Variants in GPC6 observed in about 807,000 individuals in gnomAD.
The protein encoded by GPC6 is glypican-6.
GPC6 carries 14 observed loss-of-function variants against 55.2 expected under a neutral mutation model. The ratio of observed to expected loss-of-function variants is 0.25; its 90% confidence interval spans 0.17 to 0.40. The LOEUF (loss-of-function observed/expected upper bound fraction) is 0.40. Among genes scored for constraint, GPC6 ranks in the 10% least tolerant of loss-of-function variants. The pLI is 1.00. For synonymous variants in GPC6, 278 were observed against 259.6 expected (o/e 1.07, Z -0.68); for missense variants, 641 against 708.5 (o/e 0.90, Z 1.08).
chr13:93,824,700 A>G (rs1887172647), intron 2 of GPC6, among the ~76,000 whole-genome samples: 1 of 152,164 alleles, frequency 6.6e-6, no homozygotes, highest in African/African-American at 2.4e-5. Context: ...AAGAATTTGC[A>G]AGATGACAAG....
chr13:93,627,792 C>T (rs1404735277), intron 2 of GPC6, among the ~76,000 whole-genome samples: 5 of 152,102 alleles, frequency 3.3e-5, no homozygotes, highest in South Asian at 2.1e-4. Context: ...TCCCACTTAG[C>T]GTGGTGTCTT....
intron 1 of GPC6, among the ~76,000 whole-genome samples, chr13:93,314,674 GA>G (rs1450219687): frequency 6.6e-6 from 1 of 151,292 alleles, no homozygotes; most frequent in East Asian, 1.9e-4. Flanking sequence ...TGGAGTTCAG[GA>G]AAAAATGAGG....
chr13:93,562,850 C>G (rs1364020919), intron 2 of GPC6, among the ~76,000 whole-genome samples: 2 of 152,152 alleles, frequency 1.3e-5, no homozygotes, highest in African/African-American at 2.4e-5. Flanking sequence ...ATTACCTTTT[C>G]TGTTTCATAC....
chr13:94,326,557 G>C (rs1419723435), intron 6 of GPC6, among the ~76,000 whole-genome samples: 2 of 152,184 alleles, frequency 1.3e-5, no homozygotes, highest in African/African-American at 4.8e-5. Context: ...AACAGTTTTA[G>C]TTTCACATCA....
chr13:94,339,222 A>G (rs1242049585), intron 6 of GPC6, among the ~76,000 whole-genome samples: 1 of 152,066 alleles, frequency 6.6e-6, no homozygotes, highest in Non-Finnish European at 1.5e-5. Flanking sequence ...GTGCCACCAC[A>G]CCCAACTAAT....
chr13:94,028,746 G>A (rs1257478383), intron 4 of GPC6, among the ~76,000 whole-genome samples: 2 of 152,102 alleles, frequency 1.3e-5, no homozygotes, highest in Non-Finnish European at 2.9e-5. Context: ...GAGAATGGAG[G>A]GGAAGGTCTC....
At chr13:93,490,001 T>A (rs961030147) in intron 1 of GPC6, among the ~76,000 whole-genome samples, 1 of 150,862 alleles carries the variant, frequency 6.6e-6, no homozygotes, top group African/African-American at 2.4e-5. Flanking sequence ...CTTCCAACAC[T>A]ATGTTGAATA....
intron 2 of GPC6, among the ~76,000 whole-genome samples, chr13:93,759,961 G>A (rs1402553936): frequency 6.7e-6 from 1 of 150,042 alleles, no homozygotes; most frequent in African/African-American, 2.5e-5. Flanking sequence ...TAGATACCCT[G>A]TTTAAGTAAT....
chr13:94,282,700 TG>T (rs1892420191), intron 4 of GPC6, among the ~76,000 whole-genome samples: 3 of 152,302 alleles, frequency 2.0e-5, no homozygotes, highest in South Asian at 4.1e-4. Context: ...CAAGGGTGGA[TG>T]GAGATCTAGG....
intron 4 of GPC6, among the ~76,000 whole-genome samples, chr13:94,204,712 G>T (rs1053958234): frequency 1.3e-5 from 2 of 152,144 alleles, no homozygotes; most frequent in African/African-American, 4.8e-5. Flanking sequence ...TGCACTACAT[G>T]AGCAGGTTGG....
intron 1 of GPC6, among the ~76,000 whole-genome samples, chr13:93,335,484 A>G (rs922890927): frequency 1.1e-4 from 17 of 152,204 alleles, no homozygotes; most frequent in Admixed American, 8.5e-4. Flanking sequence ...AGATCACAGA[A>G]GTGATATCTA....
intron 2 of GPC6, among the ~76,000 whole-genome samples, chr13:93,747,561 C>A (rs931114034): frequency 1.3e-5 from 2 of 152,180 alleles, no homozygotes; most frequent in Non-Finnish European, 2.9e-5. Flanking sequence ...TCTTCAGGCC[C>A]AATCAATGTG....
intron 1 of GPC6, among the ~76,000 whole-genome samples, chr13:93,228,830 A>G (rs890381660): frequency 2.6e-5 from 4 of 152,178 alleles, no homozygotes; most frequent in South Asian, 2.1e-4. Context: ...CATTTTGCAG[A>G]TATCTTAGAA....
intron 3 of GPC6, among the ~76,000 whole-genome samples, chr13:94,025,193 G>A (rs1023512589): frequency 1.1e-4 from 17 of 152,166 alleles, no homozygotes; most frequent in African/African-American, 3.9e-4. Context: ...AAATACCTTA[G>A]TTAGCCCAAG....
In GPC6 at chr13:93,830,473, C is replaced by G. The variant is rs151162530; in HGVS notation, c.639C>G (p.Arg213=). The G allele has an allele frequency of 6.2e-7, 1 of 1,613,680 alleles. No homozygotes were observed. ...GGAAACTGAAGATTCAGGTTACCCG[C>G]GCCTTCATTGCTGCCAGGACCTTTG... The part of the protein sequence containing the change: ...VPRKLKIQVT[R]AFIAARTFVQ... The change falls in exon 3 of 9, where the codon CGC becomes CGG. Residue 213 remains arginine, a synonymous_variant. Transcript: ENST00000377047.
chr13:93,913,965 A>G (rs189184892), intron 3 of GPC6, among the ~76,000 whole-genome samples: 1 of 152,204 alleles, frequency 6.6e-6, no homozygotes, highest in Non-Finnish European at 1.5e-5. Flanking sequence ...TTTCTTCTGC[A>G]TTCTATGAAT....
chr13:93,835,573 A>G (rs1457509528), intron 3 of GPC6, among the ~76,000 whole-genome samples: 1 of 152,046 alleles, frequency 6.6e-6, no homozygotes, highest in African/African-American at 2.4e-5. Context: ...ACCAACATGG[A>G]GAAACCCTGT....
intron 2 of GPC6, among the ~76,000 whole-genome samples, chr13:93,754,183 A>G (rs1486192943): frequency 6.6e-6 from 1 of 152,210 alleles, no homozygotes; most frequent in African/African-American, 2.4e-5. Flanking sequence ...TTTGGAGGAA[A>G]AGATAGTTTC....
At chr13:94,398,414 TAC>T in intron 7 of GPC6, 50 bp from the exon 8 acceptor site, 2 of 1,361,810 alleles carry the variant, frequency 1.5e-6, no homozygotes, top group Non-Finnish European at 1.0e-6. Context: ...CATCTGGTTT[TAC>T]AGTTTCTGTG....
Sources: allele counts gnomAD v4.1 joint callset (sites outside exome capture counted in the v4.1 genomes callset), GRCh38; gene constraint gnomAD v4.1.1; transcripts MANE v1.5; gene names NCBI Gene and HGNC (gene_info 2026-07-23, HGNC 2026-07-21).